The following ZFP82 variants were observed in gnomAD, a reference collection of about 807,000 sequenced individuals.
ZFP82 encodes ZFP82 zinc finger protein.
Under a neutral mutation model 54.0 loss-of-function variants are expected in ZFP82, and 30 were observed. That is an observed-to-expected ratio of 0.56 (90% CI 0.42 to 0.75). The LOEUF (loss-of-function observed/expected upper bound fraction) is 0.75. Ranked by LOEUF, ZFP82 falls within the 30% of genes least tolerant of loss-of-function variation. The pLI is 0.00. For missense variants in ZFP82, 500 were observed against 636.8 expected (o/e 0.79, Z 2.31); for synonymous variants, 194 against 209.5 (o/e 0.93, Z 0.64).
At chr19:36,402,527 T>C (rs1202771780) in intron 4 of ZFP82, among the ~76,000 whole-genome samples, 4 of 151,470 alleles carry the variant, frequency 2.6e-5, no homozygotes, top group African/African-American at 9.7e-5. Context: ...TTTCTTTCTT[T>C]TGGTAGAAGG....
At chr19:36,415,516 T>G (rs139930630) in intron 1 of ZFP82, among the ~76,000 whole-genome samples, 1 of 152,058 alleles carries the variant, frequency 6.6e-6, no homozygotes, top group Non-Finnish European at 1.5e-5. Context: ...GCCTCCCAAA[T>G]AGCTGGGATT....
In ZFP82 at chr19:36,390,195, T is replaced by C. The variant is rs1047241118; in HGVS notation, c.*2546A>G. 2.6e-5 allele frequency among the ~76,000 whole-genome samples: 4 copies of C among 152,172 alleles called. No homozygotes were observed. Among genetic ancestry groups the C allele is most frequent in the Non-Finnish European group, 5.9e-5 (4 of 68,040 alleles). On this transcript the variant is annotated 3_prime_UTR_variant, in exon 5 of 5. Transcript: ENST00000392161. Reference sequence around the variant, plus strand: ...TCTTCCTTCATGACAATAATTTCCATGTCTGCCTGTCTCACCATGATTGAT... The same window carrying C: ...TCTTCCTTCATGACAATAATTTCCACGTCTGCCTGTCTCACCATGATTGAT...
At chr19:36,410,449 G>A (rs767117936) in intron 1 of ZFP82, among the ~76,000 whole-genome samples, 1 of 150,888 alleles carries the variant, frequency 6.6e-6, no homozygotes, top group East Asian at 1.9e-4. Context: ...GTGTGTGTGT[G>A]TATATGTGTG....
At chr19:36,409,218 T>C (rs73608356) in intron 2 of ZFP82, among the ~76,000 whole-genome samples, 2,838 of 152,268 alleles carry the variant, frequency 0.019, 98 homozygotes, top group African/African-American at 0.065. Context: ...TGAGATCTTA[T>C]GATATACTGA....
At chr19:36,394,229 T>G in intron 4 of ZFP82, 119 bp from the exon 5 acceptor site, 1 of 960,702 alleles carries the variant, frequency 1.0e-6, no homozygotes, top group Non-Finnish European at 1.5e-6. Context: ...AAAATATTGT[T>G]ATACAATTTG....
intron 4 of ZFP82, among the ~76,000 whole-genome samples, chr19:36,404,724 C>G (rs1312211467): frequency 2.0e-5 from 3 of 152,242 alleles, no homozygotes; most frequent in African/African-American, 7.2e-5. Context: ...GCATACATTT[C>G]TGTCTTACCC....
intron 4 of ZFP82, among the ~76,000 whole-genome samples, chr19:36,397,629 C>T (rs1027070153): frequency 1.3e-5 from 2 of 151,958 alleles, no homozygotes; most frequent in Admixed American, 6.6e-5. Context: ...AGTATAATCT[C>T]GGCTCACTGC....
Position 36,405,560 on chromosome 19 carries a change from C to G in ZFP82, c.229+20G>C. 3.1e-6 allele frequency: 5 copies of G among 1,587,796 alleles called. No homozygotes were observed. The highest frequency in any genetic ancestry group is 4.3e-6 in the Non-Finnish European group (5 of 1,159,040). On this transcript the variant is annotated intron_variant, in intron 4 of 4. Transcript: ENST00000392161. ...GGGTTCCCTGTGTTGATGGCTTCTT[C>G]CTGCCCAACTAGCCCTCACCTGGAT...
At chr19:36,405,010 C>A (rs1428051125) in intron 4 of ZFP82, among the ~76,000 whole-genome samples, 1 of 151,968 alleles carries the variant, frequency 6.6e-6, no homozygotes, top group Non-Finnish European at 1.5e-5. Flanking sequence ...ATGGTGAAAC[C>A]CCGTCTCTAC....
intron 3 of ZFP82, among the ~76,000 whole-genome samples, chr19:36,406,394 G>A (rs2032482292): frequency 6.6e-6 from 1 of 152,174 alleles, no homozygotes; most frequent in Non-Finnish European, 1.5e-5. Flanking sequence ...GTCACTGGCA[G>A]TCAATCCTCA....
At chr19:36,399,020 CCTGT>C (rs775117628) in intron 4 of ZFP82, among the ~76,000 whole-genome samples, 7 of 151,828 alleles carry the variant, frequency 4.6e-5, no homozygotes, top group East Asian at 1.9e-4. Context: ...AAAGGATATG[CCTGT>C]CTAATTGGAA....
intron 4 of ZFP82, among the ~76,000 whole-genome samples, chr19:36,396,965 T>C (rs2032305626): frequency 6.6e-6 from 1 of 151,336 alleles, no homozygotes; most frequent in Non-Finnish European, 1.5e-5. Flanking sequence ...GTGAAAAACA[T>C]CGTTAAAAGT....
intron 4 of ZFP82, among the ~76,000 whole-genome samples, chr19:36,401,926 GTCA>G (rs2032391376): frequency 6.6e-6 from 1 of 152,188 alleles, no homozygotes; most frequent in South Asian, 2.1e-4. Flanking sequence ...CCTCAAGAAA[GTCA>G]TCTGTCCACT....
Position 36,408,015 on chromosome 19 carries a change from T to C in ZFP82, c.10-2A>G, listed in dbSNP as rs1244369736. 3 of 1,612,292 alleles carry C rather than the reference T, an allele frequency of 1.9e-6. No homozygotes were observed. The African/African-American group carries it at 4.0e-5, about 22-fold the overall frequency. ...TACATCACTGAACATCACTGATCGC[T>C]GAAATGACAAACCACACATTATAAA... On this transcript the variant is annotated splice_acceptor_variant, in intron 2 of 4. Transcript: ENST00000392161. LOFTEE classifies it high-confidence loss of function.
At position 36,405,734 on chromosome 19, in the gene ZFP82, A is replaced by T. The variant is rs191763493; in HGVS notation, c.137-62T>A. 734 of 1,274,266 alleles carry T rather than the reference A, an allele frequency of 5.8e-4. 1 individual carries two copies. Among genetic ancestry groups the T allele is most frequent in the Non-Finnish European group, 7.4e-4 (681 of 925,038 alleles). 78.9% of individuals were successfully genotyped at this position (1,274,266 alleles called of 1,614,324 possible). On this transcript the variant is annotated intron_variant, in intron 3 of 4. Coordinates refer to ENST00000392161, the MANE Select transcript of ZFP82 (RefSeq NM_133466.4). Reference sequence around the variant, plus strand: ...TAAAAAATAAATCAAAATTACTTTGATTCAGTCTTGGTTAAAGTATATGTC... The same window carrying T: ...TAAAAAATAAATCAAAATTACTTTGTTTCAGTCTTGGTTAAAGTATATGTC...
Position 36,393,994 on chromosome 19 carries a change from T to G in ZFP82, c.346A>C (p.Ile116Leu), listed in dbSNP as rs926359846. The G allele has an allele frequency of 6.2e-7, 1 of 1,613,414 alleles. No individual in the cohort carries two copies. The highest frequency in any genetic ancestry group is 1.3e-5 in the African/African-American group (1 of 74,862). Residue 116 changes from isoleucine (I) to leucine (L), a missense_variant, in exon 5 of 5, where the codon ATT becomes CTT. By Grantham distance (5) the Ile-to-Leu change is conservative (BLOSUM62 2). Coordinates refer to ENST00000392161, the MANE Select transcript of ZFP82 (RefSeq NM_133466.4). ...RIENHGLKGL[I>L]LKNDWESTGK... Reference sequence around the variant, plus strand: ...GTGGATTCCCAATCATTTTTTAAAATGAGACCCTTAAGGCCATGGTTTTCA... The same window carrying G: ...GTGGATTCCCAATCATTTTTTAAAAGGAGACCCTTAAGGCCATGGTTTTCA...
chr19:36,404,380 T>G (rs2032445283), intron 4 of ZFP82, among the ~76,000 whole-genome samples: 1 of 152,178 alleles, frequency 6.6e-6, no homozygotes, highest in Non-Finnish European at 1.5e-5. Flanking sequence ...CCCTTTTGCT[T>G]ACTTCATCAG....
chr19:36,412,101 C>T (rs80169996), intron 1 of ZFP82, among the ~76,000 whole-genome samples: 1 of 118,006 alleles, frequency 8.5e-6, no homozygotes, highest in Non-Finnish European at 1.9e-5. Context: ...AGAGAGTGTG[C>T]GTGTGTATTA....
downstream of ZFP82, chr19:36,384,167 AAC>A (rs2032091032): frequency 1.3e-5 from 2 of 152,184 alleles, no homozygotes; most frequent in South Asian, 4.1e-4. Context: ...TACAGTAATA[AAC>A]ACAGACCTAT....
Sources: gnomAD v4.1 joint callset for allele counts (sites outside exome capture counted in the v4.1 genomes callset) on GRCh38, gnomAD v4.1.1 for gene constraint, MANE v1.5 for transcripts, NCBI Gene and HGNC (gene_info 2026-07-23, HGNC 2026-07-21) for gene names.